POLA1: variants seen among roughly 807,000 people sequenced by gnomAD.
POLA1 encodes the protein DNA polymerase alpha 1, catalytic subunit.
POLA1 carries 15 observed loss-of-function variants against 124.0 expected under a neutral mutation model. That is an observed-to-expected ratio of 0.12 (90% CI 0.08 to 0.19). The LOEUF (loss-of-function observed/expected upper bound fraction) is 0.19, where lower values mean the gene tolerates loss of function less well. Among genes scored for constraint, POLA1 ranks in the 10% least tolerant of loss-of-function variants. The pLI, the probability that POLA1 is intolerant of heterozygous loss-of-function variation, is 1.00. For synonymous variants in POLA1, 408 were observed against 389.4 expected (o/e 1.05, Z -0.56); for missense variants, 886 against 1,103.4 (o/e 0.80, Z 2.79).
chrX:24,928,639 C>T (rs1299594319), intron 35 of POLA1, among the ~76,000 whole-genome samples: 2 of 111,691 alleles, frequency 1.8e-5, no homozygotes, highest in Non-Finnish European at 3.8e-5. Flanking sequence ...TCAAAACAAA[C>T]TATTATGAAG....
intron 1 of POLA1, among the ~76,000 whole-genome samples, chrX:24,695,981 T>A (rs1045324614): frequency 1.8e-5 from 2 of 112,929 alleles, no homozygotes; most frequent in Non-Finnish European, 3.7e-5. Flanking sequence ...GCTTTGTTTT[T>A]GCCTTCTAAA....
In POLA1 at chrX:24,757,436, C is replaced by CTTTT. The variant is rs66782103; in HGVS notation, c.2964+8462_2964+8465dup. On this transcript the variant is annotated intron_variant, in intron 26 of 36. Coordinates refer to ENST00000379068, the MANE Select transcript of POLA1 (RefSeq NM_001330360.2). ...ATCTGAAATGCTCCAAAATCTGAAA[C>CTTTT]TTTTTTTTTTTTTTTTTTTTTGAGA... Among the ~76,000 whole-genome samples, 133 of 62,130 alleles carry CTTTT rather than the reference C, an allele frequency of 2.1e-3. 11 individuals carry two copies. Among genetic ancestry groups the CTTTT allele is most frequent in the African/African-American group, 0.01 (125 of 12,217 alleles). 54.0% of individuals were successfully genotyped at this position (62,130 alleles called of 115,157 possible).
intron 4 of POLA1, among the ~76,000 whole-genome samples, chrX:24,713,590 G>A (rs1015861777): frequency 1.8e-5 from 2 of 110,469 alleles, no homozygotes; most frequent in African/African-American, 6.6e-5. Flanking sequence ...CTAATTTTTT[G>A]TATTTTAGTA....
intron 32 of POLA1, among the ~76,000 whole-genome samples, chrX:24,829,946 C>G (rs1335734797): frequency 8.9e-6 from 1 of 112,310 alleles, no homozygotes; most frequent in Non-Finnish European, 1.9e-5. Flanking sequence ...ACATAAAATA[C>G]AAGCCCTCCA....
chrX:24,818,337 T>C (rs1216445676), intron 30 of POLA1, among the ~76,000 whole-genome samples: 1 of 111,521 alleles, frequency 9.0e-6, no homozygotes, highest in Non-Finnish European at 1.9e-5. Flanking sequence ...TTGAAGAAGA[T>C]AATGGATTTC....
intron 35 of POLA1, among the ~76,000 whole-genome samples, chrX:24,909,845 A>G (rs1224892156): frequency 9.2e-6 from 1 of 109,263 alleles, no homozygotes. Context: ...CATTTTCACG[A>G]TATTGATTCT....
chrX:24,772,620 CTTA>C (rs2045061522), intron 26 of POLA1, among the ~76,000 whole-genome samples: 1 of 110,583 alleles, frequency 9.0e-6, no homozygotes, highest in African/African-American at 3.3e-5. Context: ...TTAGCTACCA[CTTA>C]TAAGTGAGAA....
At chrX:24,917,039 C>T (rs2047543568) in intron 35 of POLA1, among the ~76,000 whole-genome samples, 1 of 112,137 alleles carries the variant, frequency 8.9e-6, no homozygotes, top group Admixed American at 9.4e-5. Context: ...CATGGTGGCT[C>T]ACGCCTATAA....
At chrX:24,993,513 G>T (rs1024784624) in intron 36 of POLA1, among the ~76,000 whole-genome samples, 12 of 112,486 alleles carry the variant, frequency 1.1e-4, no homozygotes, top group Admixed American at 5.6e-4. Flanking sequence ...ACATTAACTG[G>T]CCTCCACCAG....
chrX:24,957,501 C>G (rs190952684), intron 36 of POLA1, among the ~76,000 whole-genome samples: 11 of 111,061 alleles, frequency 9.9e-5, no homozygotes, highest in Admixed American at 4.8e-4. Flanking sequence ...CCCCCAACCC[C>G]CATGTACCAC....
intron 35 of POLA1, among the ~76,000 whole-genome samples, chrX:24,925,967 A>G (rs963108608): frequency 9.9e-5 from 11 of 111,340 alleles, no homozygotes; most frequent in Admixed American, 7.7e-4. Flanking sequence ...TGAGAAAAAG[A>G]AGGCTGGGTG....
intron 28 of POLA1, among the ~76,000 whole-genome samples, chrX:24,811,104 C>T (rs997849883): frequency 9.0e-6 from 1 of 110,977 alleles, no homozygotes; most frequent in Non-Finnish European, 1.9e-5. Context: ...CACTCGCCAC[C>T]ATGCCCAGCT....
chrX:24,793,800 G>T (rs968000149), intron 26 of POLA1, among the ~76,000 whole-genome samples: 8 of 109,818 alleles, frequency 7.3e-5, no homozygotes, highest in East Asian at 2.9e-4. Context: ...GGCCAGGCTG[G>T]TGTTGAACTC....
At chrX:24,717,550 G>A in intron 9 of POLA1, 30 bp from the exon 10 acceptor site, 1 of 1,204,895 alleles carries the variant, frequency 8.3e-7, no homozygotes, top group South Asian at 1.8e-5. Flanking sequence ...GTTGGATTTT[G>A]AAAGGTTTTT....
At chrX:24,714,417 A>G in intron 4 of POLA1, 137 bp from the exon 5 acceptor site, 1 of 422,028 alleles carries the variant, frequency 2.4e-6, no homozygotes, top group East Asian at 4.0e-5. Flanking sequence ...TGGCCTCCCA[A>G]AGTGCTGGGA....
intron 34 of POLA1, among the ~76,000 whole-genome samples, chrX:24,859,935 TA>T (rs1225523380): frequency 8.9e-6 from 1 of 112,842 alleles, no homozygotes; most frequent in East Asian, 2.8e-4. Flanking sequence ...TCTAAGAAAT[TA>T]AACTTAGTCT....
At chrX:24,885,596 G>A (rs769412556) in intron 34 of POLA1, among the ~76,000 whole-genome samples, 5 of 110,607 alleles carry the variant, frequency 4.5e-5, no homozygotes, top group African/African-American at 1.6e-4. Flanking sequence ...GTGCAGTGGT[G>A]CAATCTTGGC....
At chrX:24,943,285 C>G (rs1311115607) in intron 36 of POLA1, among the ~76,000 whole-genome samples, 1 of 112,174 alleles carries the variant, frequency 8.9e-6, no homozygotes, top group African/African-American at 3.2e-5. Context: ...AATGGGATGA[C>G]TGACAGACCA....
intron 26 of POLA1, among the ~76,000 whole-genome samples, chrX:24,769,711 G>A (rs1251731167): frequency 1.8e-5 from 2 of 111,532 alleles, no homozygotes; most frequent in African/African-American, 6.5e-5. Flanking sequence ...GATTCAGATT[G>A]AAGTGCACTG....
Sources: allele counts gnomAD v4.1 joint callset (sites outside exome capture counted in the v4.1 genomes callset), GRCh38; gene constraint gnomAD v4.1.1; transcripts MANE v1.5; gene names NCBI Gene and HGNC (gene_info 2026-07-23, HGNC 2026-07-21).